KCNJ3: variants seen among roughly 807,000 people sequenced by gnomAD.
The protein encoded by KCNJ3 is G protein-activated inward rectifier potassium channel 1.
KCNJ3 carries 4 observed loss-of-function variants against 39.2 expected under a neutral mutation model. That is an observed-to-expected ratio of 0.10 (90% CI 0.05 to 0.23). The LOEUF (loss-of-function observed/expected upper bound fraction) is 0.23, where lower values mean the gene tolerates loss of function less well. Ranked by LOEUF, KCNJ3 falls within the 10% of genes least tolerant of loss-of-function variation. The pLI, the probability that KCNJ3 is intolerant of heterozygous loss-of-function variation, is 1.00. For synonymous variants in KCNJ3, 230 were observed against 237.4 expected (o/e 0.97, Z 0.29); for missense variants, 276 against 634.9 (o/e 0.43, Z 6.08).
At chr2:154,806,743 T>C (rs955525405) in intron 2 of KCNJ3, among the ~76,000 whole-genome samples, 1 of 152,182 alleles carries the variant, frequency 6.6e-6, no homozygotes, top group Non-Finnish European at 1.5e-5. Context: ...TAACCTACAC[T>C]ATTTACCTCA....
At chr2:154,762,964 A>G (rs1409919669) in intron 2 of KCNJ3, among the ~76,000 whole-genome samples, 1 of 152,106 alleles carries the variant, frequency 6.6e-6, no homozygotes, top group Non-Finnish European at 1.5e-5. Flanking sequence ...AGAAAATTTC[A>G]TTTTACCATG....
intron 2 of KCNJ3, among the ~76,000 whole-genome samples, chr2:154,777,035 T>TACATACGC (rs1401289100): frequency 7.7e-6 from 1 of 130,406 alleles, no homozygotes; most frequent in African/African-American, 2.7e-5. Context: ...TTTTCACACG[T>TACATACGC]ACACACGCAC....
At chr2:154,826,586 C>G (rs1464447921) in intron 2 of KCNJ3, among the ~76,000 whole-genome samples, 1 of 152,120 alleles carries the variant, frequency 6.6e-6, no homozygotes. Context: ...AGTTAAAACT[C>G]GTTTTATATG....
chr2:154,741,002 G>A (rs1393625082), intron 2 of KCNJ3, among the ~76,000 whole-genome samples: 1 of 151,874 alleles, frequency 6.6e-6, no homozygotes, highest in Non-Finnish European at 1.5e-5. Flanking sequence ...AATTAATGTT[G>A]AGAGAATATT....
intron 2 of KCNJ3, among the ~76,000 whole-genome samples, chr2:154,847,499 T>G (rs915525928): frequency 1.3e-5 from 2 of 152,188 alleles, no homozygotes; most frequent in Admixed American, 6.6e-5. Context: ...GTTAGCTGAT[T>G]CAGTTATTAA....
chr2:154,847,359 G>A (rs1422283293), intron 2 of KCNJ3, among the ~76,000 whole-genome samples: 2 of 152,146 alleles, frequency 1.3e-5, no homozygotes, highest in Non-Finnish European at 2.9e-5. Flanking sequence ...TATCTTGGAA[G>A]ATGGGTGAAA....
chr2:154,855,304 C>A lies in KCNJ3; in HGVS notation c.1497C>A (p.Arg499=). 1 of 1,596,510 alleles carries A rather than the reference C, an allele frequency of 6.3e-7. No homozygotes were observed. Among genetic ancestry groups the A allele is most frequent in the Non-Finnish European group, 8.5e-7 (1 of 1,171,330 alleles). Residue 499 remains arginine, a synonymous_variant, in exon 3 of 3, where the codon CGC becomes CGA. Coordinates refer to ENST00000295101, the MANE Select transcript of KCNJ3 (RefSeq NM_002239.4). ...AATTAAGAAAAATGAACTCTGATCG[C>A]TTCACATAACAAAGCACTCCCTTAG... ...PAKLRKMNSD[R]FT
intron 2 of KCNJ3, among the ~76,000 whole-genome samples, chr2:154,819,848 T>C (rs1489563497): frequency 6.6e-6 from 1 of 151,816 alleles, no homozygotes; most frequent in Non-Finnish European, 1.5e-5. Context: ...TTATTATATA[T>C]AACAAACTTA....
At chr2:154,777,783 T>C (rs1429639418) in intron 2 of KCNJ3, among the ~76,000 whole-genome samples, 1 of 152,224 alleles carries the variant, frequency 6.6e-6, no homozygotes, top group African/African-American at 2.4e-5. Context: ...TTTTCAACTC[T>C]AGCTTCTCTG....
intron 2 of KCNJ3, among the ~76,000 whole-genome samples, chr2:154,807,429 A>G (rs547370096): frequency 5.7e-4 from 87 of 152,312 alleles, no homozygotes; most frequent in African/African-American, 2.1e-3. Context: ...ACAGGTTGAC[A>G]ATGCCTCTGA....
chr2:154,834,831 T>A lies in KCNJ3; in HGVS notation c.920-19896T>A, dbSNP rs189367399. Among the ~76,000 whole-genome samples the A allele has an allele frequency of 2.8e-4, 43 of 151,918 alleles. 1 individual carries two copies. In the East Asian group the frequency reaches 7.9e-3, roughly 28 times the overall value. On this transcript the variant is annotated intron_variant, in intron 2 of 2. Transcript: ENST00000295101. ...TGCAGTAAATTTTAAATGATGCCAT[T>A]TTTATGAGTTGTCTACATCATAATA...
intron 2 of KCNJ3, among the ~76,000 whole-genome samples, chr2:154,733,312 G>T (rs1685475663): frequency 6.6e-6 from 1 of 151,826 alleles, no homozygotes; most frequent in African/African-American, 2.4e-5. Flanking sequence ...CCTACTTCCT[G>T]CAAAATTAGC....
intron 2 of KCNJ3, among the ~76,000 whole-genome samples, chr2:154,841,446 T>A (rs1329073619): frequency 6.6e-6 from 1 of 152,228 alleles, no homozygotes; most frequent in Non-Finnish European, 1.5e-5. Flanking sequence ...GTTGGCCTCA[T>A]AAAATGAGTT....
chr2:154,765,848 G>T (rs1240113414), intron 2 of KCNJ3, among the ~76,000 whole-genome samples: 1 of 152,096 alleles, frequency 6.6e-6, no homozygotes, highest in Non-Finnish European at 1.5e-5. Context: ...TCATATCTTT[G>T]CAAAGGTGTA....
intron 2 of KCNJ3, among the ~76,000 whole-genome samples, chr2:154,718,759 AAC>A (rs1241459530): frequency 6.6e-6 from 1 of 151,736 alleles, no homozygotes; most frequent in Non-Finnish European, 1.5e-5. Context: ...AAATTTAATT[AAC>A]ACAGCCCTTA....
intron 2 of KCNJ3, among the ~76,000 whole-genome samples, chr2:154,842,041 G>T (rs957610512): frequency 6.6e-5 from 10 of 151,792 alleles, no homozygotes; most frequent in Admixed American, 2.0e-4. Flanking sequence ...TTAGGGTGTC[G>T]ATCTTAGATC....
intron 2 of KCNJ3, among the ~76,000 whole-genome samples, chr2:154,729,996 T>C (rs1319989479): frequency 1.3e-5 from 2 of 151,990 alleles, no homozygotes; most frequent in East Asian, 3.9e-4. Context: ...TACCCTCCTT[T>C]ACCGTCTGTA....
At chr2:154,776,004 T>TC (rs1686326457) in intron 2 of KCNJ3, among the ~76,000 whole-genome samples, 1 of 121,226 alleles carries the variant, frequency 8.2e-6, no homozygotes, top group African/African-American at 3.2e-5. Context: ...GAGAAGTGAT[T>TC]CTTTTTTTTT....
At chr2:154,833,142 AT>A (rs1687390772) in intron 2 of KCNJ3, among the ~76,000 whole-genome samples, 1 of 152,158 alleles carries the variant, frequency 6.6e-6, no homozygotes, top group Non-Finnish European at 1.5e-5. Context: ...TATGTCAATC[AT>A]TTTTATTTCA....
Sources: allele counts gnomAD v4.1 joint callset (sites outside exome capture counted in the v4.1 genomes callset), GRCh38; gene constraint gnomAD v4.1.1; transcripts MANE v1.5; gene names NCBI Gene and HGNC (gene_info 2026-07-23, HGNC 2026-07-21).